The following RAB37 variants were observed in gnomAD, a reference collection of about 807,000 sequenced individuals.
The protein encoded by RAB37 is RAB37, member RAS oncogene family.
A neutral mutation model predicts 33.1 loss-of-function variants in RAB37; 29 were observed. The observed-to-expected ratio is 0.88, with a 90% CI of 0.65 to 1.20. RAB37 has a LOEUF of 1.20. Among genes scored for constraint, RAB37 ranks in the 50% most tolerant of loss-of-function variants. The probability of loss-of-function intolerance (pLI) is 0.00; values close to 1 mark genes in which losing one functional copy is unlikely to be tolerated. For synonymous variants in RAB37, 128 were observed against 119.5 expected (o/e 1.07, Z -0.47); for missense variants, 299 against 301.1 (o/e 0.99, Z 0.05).
rs373090958 is a variant in RAB37, at chr17:74,743,140, C to T, written c.258C>T (p.Thr86=). The part of the protein sequence containing the change: ...GVRVKLQIWD[T]AGQERFRSVT... ...CCATCCCTTCCCAGATCTGGGACAC[C>T]GCTGGGCAGGAACGGTTCCGAAGCG... is the stretch of plus-strand genomic sequence containing the variant. Residue 86 remains threonine (T), a synonymous_variant, in exon 4 of 9, where the codon ACC becomes ACT. Coordinates refer to ENST00000392613, the MANE Select transcript of RAB37 (RefSeq NM_001006638.3). 4 of 1,613,266 alleles carry T rather than the reference C, an allele frequency of 2.5e-6. No homozygotes were observed. The highest frequency in any genetic ancestry group is 1.7e-5 in the Admixed American group (1 of 59,956).
At chr17:74,733,410 A>C (rs566317301), upstream of RAB37, among the ~76,000 whole-genome samples, 3 of 8,262 alleles carry the variant, frequency 3.6e-4, no homozygotes, top group East Asian at 0.01. Context: ...GTGTGTGTAT[A>C]TTTGTGGTGT....
At chr17:74,736,487 G>C, upstream of RAB37, 2 of 1,393,468 alleles carry the variant, frequency 1.4e-6, no homozygotes, top group Non-Finnish European at 1.9e-6. Flanking sequence ...ACGACTTCAT[G>C]AATTTATTTG....
At chr17:74,708,844 G>A (rs563911830) in intron 1 of RAB37, among the ~76,000 whole-genome samples, 367 of 151,128 alleles carry the variant, frequency 2.4e-3, no homozygotes, top group African/African-American at 7.9e-3. Context: ...GAACCCGGGG[G>A]GGCGGAGCTT....
chr17:74,712,951 C>A, intron 1 of RAB37: 2 of 1,365,338 alleles, frequency 1.5e-6, no homozygotes, highest in South Asian at 2.4e-5. Context: ...TGCTGGTACT[C>A]ACTCTCGCCC....
At chr17:74,674,448 C>G (rs146645314) in intron 1 of RAB37, among the ~76,000 whole-genome samples, 1 of 149,970 alleles carries the variant, frequency 6.7e-6, no homozygotes, top group Non-Finnish European at 1.5e-5. Flanking sequence ...GAAGCTGAGG[C>G]GGGCAGATCT....
At chr17:74,715,257 AC>A (rs1393540867) in intron 1 of RAB37, among the ~76,000 whole-genome samples, 2 of 152,118 alleles carry the variant, frequency 1.3e-5, no homozygotes, top group Non-Finnish European at 2.9e-5. Context: ...GAGGGACGCA[AC>A]CCCCTCACAC....
At chr17:74,739,082 C>T (rs2034547333) in intron 1 of RAB37, among the ~76,000 whole-genome samples, 1 of 152,212 alleles carries the variant, frequency 6.6e-6, no homozygotes, top group African/African-American at 2.4e-5. Context: ...CCCTGCCTCT[C>T]CACCAGAGTT....
intron 1 of RAB37, 23 bp downstream of exon 1, chr17:74,737,388 AC>A: frequency 6.5e-7 from 1 of 1,540,058 alleles, no homozygotes; most frequent in Non-Finnish European, 8.7e-7. Context: ...CTTCCGTGAG[AC>A]CCCCGCCCTC....
At chr17:74,679,137 C>T (rs1311314363) in intron 1 of RAB37, among the ~76,000 whole-genome samples, 1 of 149,930 alleles carries the variant, frequency 6.7e-6, no homozygotes, top group Non-Finnish European at 1.5e-5. Context: ...GCAAAGTAAA[C>T]ATTTCTCCTC....
intron 1 of RAB37, among the ~76,000 whole-genome samples, chr17:74,700,709 G>A (rs1283733643): frequency 1.3e-5 from 2 of 152,018 alleles, no homozygotes; most frequent in Non-Finnish European, 1.5e-5. Context: ...CCGAGATCCT[G>A]CCACTGCACT....
Position 74,712,153 on chromosome 17 carries a change from C to T in RAB37, c.73-17103C>T, listed in dbSNP as rs527337317. Among the ~76,000 whole-genome samples the T allele has an allele frequency of 2.0e-5, 3 of 152,162 alleles. No homozygotes were observed. The South Asian group carries it at 6.2e-4, about 32-fold the overall frequency. On this transcript the variant is annotated intron_variant, in intron 1 of 7. Transcript: ENST00000340415. ...TCTCGAATCCCTGAGCTCAAGCAAT[C>T]AGCCTCCCAAAGTGCTGGGATTACA...
chr17:74,687,023 G>T (rs902567108), intron 1 of RAB37, among the ~76,000 whole-genome samples: 1 of 152,138 alleles, frequency 6.6e-6, no homozygotes, highest in Admixed American at 6.6e-5. Context: ...AAGTGCCAGT[G>T]CTCTGCTCTG....
At chr17:74,721,241 G>A (rs892829179) in intron 1 of RAB37, among the ~76,000 whole-genome samples, 9 of 152,262 alleles carry the variant, frequency 5.9e-5, no homozygotes, top group African/African-American at 7.2e-5. Context: ...CCAGGACCTC[G>A]CCCTCTTTTA....
intron 1 of RAB37, 51 bp from the exon 2 acceptor site, chr17:74,740,717 C>T (rs1426053941): frequency 8.6e-6 from 11 of 1,274,938 alleles, no homozygotes; most frequent in Non-Finnish European, 1.1e-5. Flanking sequence ...TCCTGGAATC[C>T]CAGAAGCTGC....
chr17:74,711,158 C>T (rs2033935491), intron 1 of RAB37, among the ~76,000 whole-genome samples: 1 of 152,138 alleles, frequency 6.6e-6, no homozygotes, highest in Non-Finnish European at 1.5e-5. Context: ...AGCACACTTG[C>T]TGCTTGTGGG....
chr17:74,713,315 C>T (rs373283731), intron 1 of RAB37, among the ~76,000 whole-genome samples: 4 of 61,088 alleles, frequency 6.5e-5, no homozygotes, highest in Non-Finnish European at 1.1e-4. Context: ...CAAACAAAAA[C>T]AAAAAAAAAA....
At chr17:74,737,222 T>C (rs12941432), upstream of RAB37, 5 of 1,535,704 alleles carry the variant, frequency 3.3e-6, no homozygotes, top group Non-Finnish European at 4.4e-6. Context: ...GGGCCGTTCC[T>C]GCGCTCTCCT....
intron 1 of RAB37, among the ~76,000 whole-genome samples, chr17:74,728,351 T>G (rs1193692345): frequency 6.6e-6 from 1 of 151,578 alleles, no homozygotes; most frequent in African/African-American, 2.4e-5. Context: ...CTATGTGTAT[T>G]TGTGTTTGTG....
intron 1 of RAB37, among the ~76,000 whole-genome samples, chr17:74,720,297 C>A (rs926941725): frequency 1.3e-5 from 2 of 152,090 alleles, no homozygotes; most frequent in Non-Finnish European, 2.9e-5. Flanking sequence ...AATTAAGGTT[C>A]TTTTAGGCCA....
Sources: gnomAD v4.1 joint callset for allele counts (sites outside exome capture counted in the v4.1 genomes callset) on GRCh38, gnomAD v4.1.1 for gene constraint, MANE v1.5 for transcripts, NCBI Gene and HGNC (gene_info 2026-07-23, HGNC 2026-07-21) for gene names.